NPAS1: variants seen among roughly 807,000 people sequenced by gnomAD.
The protein encoded by NPAS1 is neuronal PAS domain-containing protein 1.
In NPAS1, 29 loss-of-function variants were observed where a neutral mutation model predicts 49.2. That is an observed-to-expected ratio of 0.59 (90% confidence interval 0.44 to 0.80). The LOEUF is 0.80. Among genes scored for constraint, NPAS1 ranks in the 30% least tolerant of loss-of-function variants. The probability of loss-of-function intolerance (pLI) is 0.00; values close to 1 mark genes in which losing one functional copy is unlikely to be tolerated. For missense variants in NPAS1, 825 were observed against 835.5 expected (o/e 0.99, Z 0.15); for synonymous variants, 408 against 380.4 (o/e 1.07, Z -0.84).
chr19:47,041,364 G>C (rs1445084557), intron 10 of NPAS1, among the ~76,000 whole-genome samples: 1 of 152,092 alleles, frequency 6.6e-6, no homozygotes, highest in Admixed American at 6.6e-5. Flanking sequence ...GGAAGGCAGG[G>C]GCAGGCTCAC....
chr19:47,033,814 CA>C (rs1309674618), intron 5 of NPAS1, among the ~76,000 whole-genome samples: 1 of 136,368 alleles, frequency 7.3e-6, no homozygotes, highest in Non-Finnish European at 1.6e-5. Flanking sequence ...ACCATCTCTA[CA>C]AAAAAACTTA....
chr19:47,040,004 G>A (rs967323378), intron 8 of NPAS1, among the ~76,000 whole-genome samples: 3 of 152,042 alleles, frequency 2.0e-5, no homozygotes, highest in East Asian at 1.9e-4. Flanking sequence ...CAGCTGCCCC[G>A]GGAGAGACAC....
intron 5 of NPAS1, among the ~76,000 whole-genome samples, chr19:47,033,428 GAC>G (rs1209914458): frequency 1.3e-5 from 2 of 151,746 alleles, no homozygotes; most frequent in African/African-American, 4.8e-5. Flanking sequence ...TTTAAATAGA[GAC>G]AGGGTTTCTT....
intron 6 of NPAS1, among the ~76,000 whole-genome samples, chr19:47,038,802 G>A (rs4804014): frequency 0.65 from 99,085 of 151,744 alleles, 32,843 homozygotes; most frequent in Non-Finnish European, 0.73. Context: ...CTCCAGCCTG[G>A]ACAACAGAGT....
intron 6 of NPAS1, among the ~76,000 whole-genome samples, 190 bp downstream of exon 6, chr19:47,036,319 C>G (rs1316539945): frequency 2.0e-5 from 3 of 152,182 alleles, no homozygotes; most frequent in Non-Finnish European, 4.4e-5. Flanking sequence ...GCCAAACTCC[C>G]AAAGATTCGA....
chr19:47,045,522 G>T lies in NPAS1; in HGVS notation c.1644G>T (p.Glu548Asp). ...GCACCATCCGCTACGGCCCCGCGGA[G>T]CTGGGCCTGGTGTACCCGCACCTGC... Reference protein sequence around the residue: ...TPGTIRYGPAELGLVYPHLQR... With the variant: ...TPGTIRYGPADLGLVYPHLQR... The change falls in exon 12 of 12, where the codon GAG becomes GAT. Residue 548 changes from glutamate to aspartate, a missense_variant. By Grantham distance (45) the Glu-to-Asp change is conservative. Transcript: ENST00000602212. The T allele has an allele frequency of 6.5e-7, 1 of 1,534,492 alleles. No individual in the cohort carries two copies. The highest frequency in any genetic ancestry group is 1.2e-5 in the South Asian group (1 of 84,202).
intron 3 of NPAS1, among the ~76,000 whole-genome samples, chr19:47,024,778 C>G (rs549390861): frequency 6.6e-6 from 1 of 151,572 alleles, no homozygotes; most frequent in African/African-American, 2.4e-5. Context: ...GAGAGGAGAC[C>G]GCCCAAATCT....
In NPAS1 at chr19:47,036,202, A is replaced by G. The variant is rs376680241; in HGVS notation, c.688+73A>G. On this transcript the variant is annotated intron_variant, in intron 6 of 11. Transcript: ENST00000602212. ...GACGCCCGCTGTACTGTATCCAGCC[A>G]TGCCGCGTTTATACAAATAGCAGTG... The G allele has an allele frequency of 4.0e-5, 57 of 1,440,820 alleles. No homozygotes were observed. In the East Asian group the frequency reaches 5.0e-4, roughly 13 times the overall value. The allele number at this position is 1,440,820 out of a possible 1,614,324, so 89.3% of individuals were successfully genotyped here. A position where few individuals can be genotyped will look rare whatever the true frequency, so the allele number is the denominator to read the frequency against.
chr19:47,034,121 A>G (rs747054931), intron 5 of NPAS1, among the ~76,000 whole-genome samples: 1 of 151,610 alleles, frequency 6.6e-6, no homozygotes, highest in Non-Finnish European at 1.5e-5. Context: ...CCTGACCAAC[A>G]TGGAGAAACC....
intron 8 of NPAS1, among the ~76,000 whole-genome samples, chr19:47,040,075 T>C (rs1318175831): frequency 1.3e-5 from 2 of 151,984 alleles, no homozygotes; most frequent in Non-Finnish European, 2.9e-5. Context: ...CAGGCTGGAG[T>C]GCAGTGGCGC....
intron 10 of NPAS1, among the ~76,000 whole-genome samples, 189 bp downstream of exon 10, chr19:47,041,314 CAG>C (rs2057019040): frequency 6.6e-6 from 1 of 152,002 alleles, no homozygotes; most frequent in African/African-American, 2.4e-5. Flanking sequence ...TGGCAGGAGA[CAG>C]AGAGGAGTCG....
intron 5 of NPAS1, among the ~76,000 whole-genome samples, chr19:47,033,697 C>T (rs963323841): frequency 6.6e-6 from 1 of 151,956 alleles, no homozygotes; most frequent in Non-Finnish European, 1.5e-5. Context: ...CTGGCTCATG[C>T]CTGTAATCCC....
At position 47,021,074 on chromosome 19, in the gene NPAS1, C is replaced by T; in HGVS notation, c.27C>T (p.Gly9=). 6.2e-7 allele frequency: 1 copy of T among 1,604,870 alleles called. No individual in the cohort carries two copies. Among genetic ancestry groups the T allele is most frequent in the South Asian group, 1.1e-5 (1 of 90,436 alleles). The change falls in exon 2 of 12, where the codon GGC becomes GGT. Residue 9 remains glycine (G), a synonymous_variant. Coordinates refer to ENST00000602212, the MANE Select transcript of NPAS1 (RefSeq NM_002517.4). This position sits in a 1 kb window ranked among gnomAD's most constrained non-coding sequence, Gnocchi z 5.7. MAAPYPGS[G]GGSEVKCVGG... ...TGGCGGCCCCCTATCCCGGCAGTGG[C>T]GGCGGAAGCGAGGTCAAATGCGTGG...
At position 47,036,043 on chromosome 19, in the gene NPAS1, G is replaced by C. The variant is rs765505437; in HGVS notation, c.602G>C (p.Arg201Pro). 1.9e-6 allele frequency: 3 copies of C among 1,604,860 alleles called. No individual in the cohort carries two copies. The highest frequency in any genetic ancestry group is 2.6e-6 in the Non-Finnish European group (3 of 1,175,676). Residue 201 changes from arginine (R) to proline (P), a missense_variant, in exon 6 of 12, where the codon CGG (arginine) becomes CCG (proline). Physicochemically the swap from Arg to Pro is moderately radical, Grantham distance 103 (BLOSUM62 -2). Coordinates refer to ENST00000602212, the MANE Select transcript of NPAS1 (RefSeq NM_002517.4). ...GAGGTGCTGGAGCAACTGGGGCTGC[G>C]GACGCCGACGCCCGGCCCCCCAACC... ...HSEVLEQLGLRTPTPGPPTPP... is the reference protein window; with the variant it reads ...HSEVLEQLGLPTPTPGPPTPP...
At chr19:47,039,350 C>A in intron 7 of NPAS1, 57 bp from the exon 8 acceptor site, 2 of 1,599,264 alleles carry the variant, frequency 1.3e-6, no homozygotes, top group Admixed American at 1.7e-5. Context: ...CAGTGATGGT[C>A]CTCTTGCCCC....
intron 3 of NPAS1, among the ~76,000 whole-genome samples, chr19:47,031,057 C>T (rs2056902044): frequency 6.6e-6 from 1 of 152,022 alleles, no homozygotes; most frequent in African/African-American, 2.4e-5. Flanking sequence ...CCTTCTCATC[C>T]TTCAGGTCTG....
At chr19:47,044,710 C>T (rs1568512426) in intron 11 of NPAS1, among the ~76,000 whole-genome samples, 1 of 152,184 alleles carries the variant, frequency 6.6e-6, no homozygotes, top group Non-Finnish European at 1.5e-5. Context: ...AAAATATCTC[C>T]AGATATTGCC....
At chr19:47,039,288 T>C (rs747396672) in intron 7 of NPAS1, 119 bp from the exon 8 acceptor site, 41 of 1,471,356 alleles carry the variant, frequency 2.8e-5, no homozygotes, top group Non-Finnish European at 3.8e-5. Context: ...ACTGGGGGGG[T>C]CACACAGTGT....
chr19:47,034,262 C>T (rs371565134), intron 5 of NPAS1, among the ~76,000 whole-genome samples: 33 of 142,484 alleles, frequency 2.3e-4, no homozygotes, highest in East Asian at 4.2e-4. Flanking sequence ...TACAGTGAGC[C>T]GAGATCGTGG....
Sources: gnomAD v4.1 joint callset for allele counts (sites outside exome capture counted in the v4.1 genomes callset) on GRCh38, gnomAD v4.1.1 for gene constraint, Gnocchi (gnomAD v3.1) non-coding constraint, MANE v1.5 for transcripts, NCBI Gene and HGNC (gene_info 2026-07-23, HGNC 2026-07-21) for gene names.